Variants in RPS6KA6 observed in about 807,000 individuals in gnomAD.
The protein encoded by RPS6KA6 is ribosomal protein S6 kinase alpha-6.
A neutral mutation model predicts 65.4 loss-of-function variants in RPS6KA6; 27 were observed. The observed-to-expected ratio is 0.41, with a 90% CI of 0.30 to 0.57. The LOEUF is 0.57. RPS6KA6 is among the 20% of genes least tolerant of loss of function. The pLI is 0.24. For missense variants in RPS6KA6, 486 were observed against 555.6 expected (o/e 0.87, Z 1.26); for synonymous variants, 190 against 184.2 (o/e 1.03, Z -0.26).
At chrX:84,153,209 T>TTTTGAAG (rs2035359145) in intron 3 of RPS6KA6, among the ~76,000 whole-genome samples, 1 of 111,866 alleles carries the variant, frequency 8.9e-6, no homozygotes, top group Non-Finnish European at 1.9e-5. Flanking sequence ...TTTTCAAAAA[T>TTTTGAAG]TCATTTTTAA....
At chrX:84,081,231 A>G (rs2033791703) in intron 20 of RPS6KA6, among the ~76,000 whole-genome samples, 1 of 111,698 alleles carries the variant, frequency 9.0e-6, no homozygotes, top group South Asian at 3.7e-4. Context: ...CCACACTATT[A>G]AAGAGGAAAA....
At chrX:84,074,744 T>C (rs1402171380) in intron 20 of RPS6KA6, among the ~76,000 whole-genome samples, 1 of 111,425 alleles carries the variant, frequency 9.0e-6, no homozygotes, top group African/African-American at 3.3e-5. Context: ...CCCACCAAGG[T>C]AAAATTCACC....
At chrX:84,151,048 G>A (rs1167195278) in intron 3 of RPS6KA6, among the ~76,000 whole-genome samples, 1 of 84,901 alleles carries the variant, frequency 1.2e-5, no homozygotes, top group African/African-American at 4.0e-5. Context: ...TATATATATA[G>A]AGGATAGATA....
intron 20 of RPS6KA6, among the ~76,000 whole-genome samples, chrX:84,085,604 G>T (rs1294355752): frequency 9.0e-6 from 1 of 111,648 alleles, no homozygotes; most frequent in Non-Finnish European, 1.9e-5. Flanking sequence ...GGATTTTTGT[G>T]TTGATGTTCA....
At chrX:84,082,176 T>C (rs2033813482) in intron 20 of RPS6KA6, among the ~76,000 whole-genome samples, 2 of 111,818 alleles carry the variant, frequency 1.8e-5, no homozygotes, top group Non-Finnish European at 3.8e-5. Flanking sequence ...GCAGATGACA[T>C]TATTGTATAT....
chrX:84,166,475 A>G (rs6616911), intron 1 of RPS6KA6, among the ~76,000 whole-genome samples: 6,845 of 111,445 alleles, frequency 0.061, 228 homozygotes, highest in East Asian at 0.21. Context: ...TACTGGATAG[A>G]CTCAATAAAA....
intron 20 of RPS6KA6, among the ~76,000 whole-genome samples, chrX:84,089,388 A>G (rs1602393112): frequency 9.0e-6 from 1 of 111,709 alleles, no homozygotes; most frequent in African/African-American, 3.3e-5. Context: ...GTGCCATGGA[A>G]GTGGGGCCCA....
rs200378989 is a variant in RPS6KA6 at position 84,059,114 on chromosome X, C to CTTTTTTTTTTTTTTTTTTTTTT, written c.*5141_*5162dup. 3.5e-5 allele frequency: 1 copy of CTTTTTTTTTTTTTTTTTTTTTT among 28,293 alleles called. No individual in the cohort carries two copies. The highest frequency in any genetic ancestry group is 5.9e-5 in the Non-Finnish European group (1 of 16,807). The allele number at this position is 28,293 out of a possible 1,213,427, so 2.3% of individuals were successfully genotyped here. On this transcript the variant is annotated 3_prime_UTR_variant, in exon 22 of 22. Coordinates refer to ENST00000262752, the MANE Select transcript of RPS6KA6 (RefSeq NM_014496.5). The stretch of plus-strand genomic sequence containing the variant: ...AACTTTTTAAATGGCTGTTTCTTTT[C>CTTTTTTTTTTTTTTTTTTTTTT]TTTTTTTTTTTTTTTTTTTTTTTTT...
chrX:84,100,402 T>C (rs1179486658), intron 18 of RPS6KA6, among the ~76,000 whole-genome samples: 1 of 111,295 alleles, frequency 9.0e-6, no homozygotes, highest in Non-Finnish European at 1.9e-5. Flanking sequence ...ACATATTATA[T>C]ATTTTTCATT....
At position 84,187,643 on chromosome X, in the gene RPS6KA6, C is replaced by G. The variant is rs2035944247; in HGVS notation, c.81+176G>C. Reference sequence around the variant, plus strand: ...GCTGCACTCACTCCGCAAGCCCGAGCCCGCCGTCTCATCCCCGCCCGCTCC... The same window carrying G: ...GCTGCACTCACTCCGCAAGCCCGAGGCCGCCGTCTCATCCCCGCCCGCTCC... On this transcript the variant is annotated intron_variant, in intron 1 of 21. Transcript: ENST00000262752. 2.7e-5 allele frequency among the ~76,000 whole-genome samples: 3 copies of G among 112,344 alleles called. No individual in the cohort carries two copies. In the Admixed American group the frequency reaches 2.8e-4, roughly 10 times the overall value.
chrX:84,086,978 C>G (rs1271062484), intron 20 of RPS6KA6, among the ~76,000 whole-genome samples: 2 of 110,772 alleles, frequency 1.8e-5, no homozygotes, highest in Non-Finnish European at 3.8e-5. Context: ...ATTGCAACCC[C>G]TGCTTTTTTC....
In RPS6KA6 at chrX:84,140,758, C is replaced by CATAT. The variant is rs1191737057; in HGVS notation, c.501+4716_501+4719dup. Among the ~76,000 whole-genome samples the CATAT allele has an allele frequency of 7.4e-3, 590 of 79,325 alleles. 9 individuals carry two copies. The highest frequency in any genetic ancestry group is 0.024 in the African/African-American group (573 of 23,452). The allele number at this position is 79,325 out of a possible 115,157, so 68.9% of individuals were successfully genotyped here. A position where few individuals can be genotyped will look rare whatever the true frequency, so the allele number is the denominator to read the frequency against. On this transcript the variant is annotated intron_variant, in intron 6 of 21. Transcript: ENST00000262752. ...CAAAAAAAAAAAAAAAAAAAACATACATATATATATATATAGTCAAACATG... is the reference window on the plus strand; with the variant it reads ...CAAAAAAAAAAAAAAAAAAAACATACATATATATATATATATATAGTCAAACATG...
intron 6 of RPS6KA6, among the ~76,000 whole-genome samples, chrX:84,138,459 A>C (rs1211853607): frequency 9.0e-6 from 1 of 111,112 alleles, no homozygotes; most frequent in East Asian, 2.8e-4. Flanking sequence ...AGGCGGAGGC[A>C]TGAGGATTGC....
At chrX:84,146,880 C>G (rs187701545) in intron 5 of RPS6KA6, 98 bp downstream of exon 5, 1 of 424,824 alleles carries the variant, frequency 2.4e-6, no homozygotes, top group Admixed American at 5.1e-5. Context: ...GTATTTATTT[C>G]CTGTTATAGT....
At position 84,064,960 on chromosome X, in the gene RPS6KA6, G is replaced by A. The variant is rs1421257981; in HGVS notation, c.2112+11C>T. On this transcript the variant is annotated intron_variant, in intron 21 of 21. Coordinates refer to ENST00000262752, the MANE Select transcript of RPS6KA6 (RefSeq NM_014496.5). ...ATATCTCGAAGGCACATAAAAGTATGTTTGTTTTACCTTAACAACATGTGA... is the reference window on the plus strand; with the variant it reads ...ATATCTCGAAGGCACATAAAAGTATATTTGTTTTACCTTAACAACATGTGA... 2 of 1,198,113 alleles carry A rather than the reference G, an allele frequency of 1.7e-6. No homozygotes were observed. The highest frequency in any genetic ancestry group is 1.8e-5 in the African/African-American group (1 of 56,866).
intron 20 of RPS6KA6, among the ~76,000 whole-genome samples, chrX:84,069,342 G>A (rs1345086603): frequency 1.8e-5 from 2 of 111,726 alleles, no homozygotes; most frequent in African/African-American, 6.5e-5. Flanking sequence ...AAATGGTGCT[G>A]GGAAAACTGG....
chrX:84,165,225 A>G (rs765045926), intron 1 of RPS6KA6, among the ~76,000 whole-genome samples: 40 of 110,299 alleles, frequency 3.6e-4, no homozygotes, highest in African/African-American at 1.2e-3. Context: ...CAACAGGAAG[A>G]CGAACTAGAT....
rs191538686 is a variant in RPS6KA6, at chrX:84,140,110, T to C, written c.502-4900A>G. 7.2e-5 allele frequency among the ~76,000 whole-genome samples: 8 copies of C among 111,721 alleles called. No individual in the cohort carries two copies. The Admixed American group carries it at 7.6e-4, about 11-fold the overall frequency. On this transcript the variant is annotated intron_variant, in intron 6 of 21. Coordinates refer to ENST00000262752, the MANE Select transcript of RPS6KA6 (RefSeq NM_014496.5). ...ACTCAGCACATATGAGTGAGGACAT[T>C]ACCCTAAACCAGGAAAACAACGAAG...
intron 12 of RPS6KA6, among the ~76,000 whole-genome samples, chrX:84,114,488 A>AAAAC (rs1031395699): frequency 1.8e-5 from 2 of 110,851 alleles, no homozygotes; most frequent in African/African-American, 3.3e-5. Context: ...ACGCTGTCAA[A>AAAAC]AAACAAACAA....
Sources: gnomAD v4.1 joint callset for allele counts (sites outside exome capture counted in the v4.1 genomes callset) on GRCh38, gnomAD v4.1.1 for gene constraint, MANE v1.5 for transcripts, NCBI Gene and HGNC (gene_info 2026-07-23, HGNC 2026-07-21) for gene names.